Variants in RAB20 observed in about 807,000 individuals in gnomAD.
RAB20 encodes ras-related protein Rab-20.
RAB20 carries 2 observed loss-of-function variants against 3.7 expected under a neutral mutation model. The observed-to-expected ratio is 0.54, with a 90% confidence interval of 0.22 to 1.69. The LOEUF (loss-of-function observed/expected upper bound fraction) is 1.69. Among genes scored for constraint, RAB20 ranks in the 40% most tolerant of loss-of-function variants. RAB20 has a pLI of 0.19. For synonymous variants in RAB20, 126 were observed against 130.8 expected, an observed-to-expected ratio of 0.96 and a Z score of 0.25; for missense variants, 276 against 311.9, an observed-to-expected ratio of 0.88 and a Z score of 0.87.
intron 1 of RAB20, among the ~76,000 whole-genome samples, chr13:110,541,816 C>CCACACA (rs10624545): frequency 0.22 from 33,411 of 149,334 alleles, 4,161 homozygotes; most frequent in East Asian, 0.45. Context: ...GAGTGTCCAG[C>CCACACA]CACACACACA....
At chr13:110,556,684 C>T (rs1400582501) in intron 1 of RAB20, among the ~76,000 whole-genome samples, 1 of 151,982 alleles carries the variant, frequency 6.6e-6, no homozygotes, top group Non-Finnish European at 1.5e-5. Flanking sequence ...CAGGTGCGCA[C>T]CACTACACCT....
chr13:110,532,920 A>G (rs4771689), intron 1 of RAB20, among the ~76,000 whole-genome samples: 56,661 of 152,054 alleles, frequency 0.37, 10,789 homozygotes, highest in African/African-American at 0.45. Context: ...GGTTCATGCT[A>G]TATTCCCAAC....
chr13:110,546,903 A>AT (rs200826877), intron 1 of RAB20, among the ~76,000 whole-genome samples: 7 of 151,010 alleles, frequency 4.6e-5, no homozygotes, highest in Admixed American at 2.6e-4. Flanking sequence ...ATGCCTGGCA[A>AT]TTTTTTTTCA....
At chr13:110,551,232 T>C (rs183737489) in intron 1 of RAB20, among the ~76,000 whole-genome samples, 1 of 152,312 alleles carries the variant, frequency 6.6e-6, no homozygotes, top group Non-Finnish European at 1.5e-5. Context: ...CAGCAGTATG[T>C]ACTATGGGGT....
Position 110,561,667 on chromosome 13 carries a change from G to A in RAB20, c.-148C>T, listed in dbSNP as rs1885139365. On this transcript the variant is annotated 5_prime_UTR_variant, in exon 1 of 2. Coordinates refer to ENST00000267328, the MANE Select transcript of RAB20 (RefSeq NM_017817.3). Reference sequence around the variant, plus strand: ...CCGGGACCTTCGCCTCCGGACGCCCGGGAGCTCAAGAGAGGAAGCGCGTGT... The same window carrying A: ...CCGGGACCTTCGCCTCCGGACGCCCAGGAGCTCAAGAGAGGAAGCGCGTGT... The A allele has an allele frequency of 7.5e-7, 1 of 1,338,974 alleles. No individual in the cohort carries two copies. 82.9% of individuals were successfully genotyped at this position (1,338,974 alleles called of 1,614,324 possible).
At chr13:110,549,315 A>T (rs1326952512) in intron 1 of RAB20, among the ~76,000 whole-genome samples, 1 of 152,230 alleles carries the variant, frequency 6.6e-6, no homozygotes, top group African/African-American at 2.4e-5. Flanking sequence ...TTTCAGACAA[A>T]AGCTGAATTC....
In RAB20 at chr13:110,524,288, G is replaced by A. The variant is rs1884391070; in HGVS notation, c.173-91C>T. On this transcript the variant is annotated intron_variant, in intron 1 of 1. Coordinates refer to ENST00000267328, the MANE Select transcript of RAB20 (RefSeq NM_017817.3). ...CTGCAAGGGAACGTCCCACAGGGAT[G>A]TTTATTTTTAGGGCAACACACACAG... 3.4e-6 allele frequency: 5 copies of A among 1,466,884 alleles called. No homozygotes were observed. In the Admixed American group the frequency reaches 7.5e-5, roughly 22 times the overall value. The allele number at this position is 1,466,884 out of a possible 1,614,324, so 90.9% of individuals were successfully genotyped here.
rs1321174259 is a variant in RAB20 at position 110,523,489 on chromosome 13, G to T, written c.*176C>A. The T allele has an allele frequency of 7.4e-6, 9 of 1,211,848 alleles. No individual in the cohort carries two copies. The highest frequency in any genetic ancestry group is 1.5e-5 in the African/African-American group (1 of 64,952). The allele number at this position is 1,211,848 out of a possible 1,614,324, so 75.1% of individuals were successfully genotyped here. ...CCACCCCTCTGACAGAGACTGAGGA[G>T]ACCACACACGTTGACCTCCTCTTCA... On this transcript the variant is annotated 3_prime_UTR_variant, in exon 2 of 2. Coordinates refer to ENST00000267328, the MANE Select transcript of RAB20 (RefSeq NM_017817.3).
chr13:110,555,706 T>C lies in RAB20; in HGVS notation c.172+5642A>G, dbSNP rs1380745908. On this transcript the variant is annotated intron_variant, in intron 1 of 1. Transcript: ENST00000267328. This position sits in a 1 kb window ranked among gnomAD's most constrained non-coding sequence, Gnocchi z 4.0. Reference sequence around the variant, plus strand: ...TGAAACCAGTCATCAGCCGGCCCCCTGCTCGACTCCAAACAGCAAAGGAAG... The same window carrying C: ...TGAAACCAGTCATCAGCCGGCCCCCCGCTCGACTCCAAACAGCAAAGGAAG... Among the ~76,000 whole-genome samples, 5 of 152,202 alleles carry C rather than the reference T, an allele frequency of 3.3e-5. No individual in the cohort carries two copies. The highest frequency in any genetic ancestry group is 9.6e-5 in the African/African-American group (4 of 41,454).
At chr13:110,535,403 G>A (rs1467652) in intron 1 of RAB20, among the ~76,000 whole-genome samples, 60,124 of 152,102 alleles carry the variant, frequency 0.4, 12,306 homozygotes, top group African/African-American at 0.51. Context: ...CATGAAGGAG[G>A]CGTGAAGTTA....
chr13:110,551,893 C>T (rs1203595183), intron 1 of RAB20, among the ~76,000 whole-genome samples: 1 of 136,174 alleles, frequency 7.3e-6, no homozygotes, highest in Non-Finnish European at 1.6e-5. Flanking sequence ...CCAGCCTGGG[C>T]AACATACTGA....
At chr13:110,545,632 C>T (rs140248863) in intron 1 of RAB20, among the ~76,000 whole-genome samples, 10 of 152,294 alleles carry the variant, frequency 6.6e-5, no homozygotes, top group Admixed American at 1.3e-4. Flanking sequence ...CTTGGAGATC[C>T]TTGTGCTGAG....
intron 1 of RAB20, among the ~76,000 whole-genome samples, chr13:110,536,498 G>C (rs929310715): frequency 6.6e-6 from 1 of 152,138 alleles, no homozygotes; most frequent in Non-Finnish European, 1.5e-5. Flanking sequence ...TCCTCTCCCC[G>C]AGGAAAGCCG....
rs376296628 is a variant in RAB20 at position 110,528,438 on chromosome 13, AAAAG to A, written c.173-4245_173-4242del. Among the ~76,000 whole-genome samples, 624 of 151,004 alleles carry A rather than the reference AAAAG, an allele frequency of 4.1e-3. 5 individuals carry two copies. Among genetic ancestry groups the A allele is most frequent in the African/African-American group, 0.014 (595 of 41,102 alleles). On this transcript the variant is annotated intron_variant, in intron 1 of 1. Coordinates refer to ENST00000267328, the MANE Select transcript of RAB20 (RefSeq NM_017817.3). ...CAAAAAAAAAAAAAACAAAAAACAG[AAAAG>A]AAAGAAAAATGCTTCTTCGTCATTA...
intron 1 of RAB20, among the ~76,000 whole-genome samples, chr13:110,560,260 TG>T (rs2139593478): frequency 6.6e-6 from 1 of 152,270 alleles, no homozygotes; most frequent in African/African-American, 2.4e-5. Context: ...ACAAGATGAT[TG>T]CCAATAAATT....
At chr13:110,549,613 C>A (rs1481876876) in intron 1 of RAB20, among the ~76,000 whole-genome samples, 2 of 152,248 alleles carry the variant, frequency 1.3e-5, no homozygotes, top group Non-Finnish European at 2.9e-5. Context: ...GAGGGTCCTG[C>A]CCCATACCCT....
chr13:110,549,763 C>T (rs1410539114), intron 1 of RAB20, among the ~76,000 whole-genome samples: 4 of 151,924 alleles, frequency 2.6e-5, no homozygotes, highest in Non-Finnish European at 5.9e-5. Context: ...CTCTGTTGCC[C>T]GGGCTGGAGT....
intron 1 of RAB20, among the ~76,000 whole-genome samples, chr13:110,529,502 T>C (rs1884493076): frequency 6.6e-6 from 1 of 152,188 alleles, no homozygotes; most frequent in Non-Finnish European, 1.5e-5. Flanking sequence ...ACCTGGACTT[T>C]CCTGGAGAAA....
At chr13:110,542,043 T>C (rs1303902154) in intron 1 of RAB20, among the ~76,000 whole-genome samples, 2 of 152,070 alleles carry the variant, frequency 1.3e-5, no homozygotes, top group East Asian at 1.9e-4. Flanking sequence ...ATAAGGGTGT[T>C]TGTTGGTTTT....
Sources: gnomAD v4.1 joint callset for allele counts (sites outside exome capture counted in the v4.1 genomes callset) on GRCh38, gnomAD v4.1.1 for gene constraint, Gnocchi (gnomAD v3.1) non-coding constraint, MANE v1.5 for transcripts, NCBI Gene and HGNC (gene_info 2026-07-23, HGNC 2026-07-21) for gene names.